CNTN5: variants seen among roughly 807,000 people sequenced by gnomAD.
CNTN5 encodes the protein contactin-5.
In CNTN5, 77 loss-of-function variants were observed where a neutral mutation model predicts 129.1. That is an observed-to-expected ratio of 0.60 (90% CI 0.50 to 0.72). CNTN5 has a LOEUF of 0.72. Among genes scored for constraint, CNTN5 ranks in the 30% least tolerant of loss-of-function variants. CNTN5 has a pLI of 0.00. For missense variants in CNTN5, 1,478 were observed against 1,328.8 expected, an observed-to-expected ratio of 1.11 and a Z score of -1.75; for synonymous variants, 509 against 465.6, an observed-to-expected ratio of 1.09 and a Z score of -1.20.
chr11:99,282,385 A>G (rs373138903), intron 1 of CNTN5, among the ~76,000 whole-genome samples: 46 of 152,158 alleles, frequency 3.0e-4, no homozygotes, highest in African/African-American at 1.1e-3. Context: ...AAAAATTCAC[A>G]AGAACAACCA....
chr11:100,158,768 A>T (rs1403410417), intron 13 of CNTN5, among the ~76,000 whole-genome samples: 1 of 151,894 alleles, frequency 6.6e-6, no homozygotes, highest in Non-Finnish European at 1.5e-5. Flanking sequence ...CACTCCAGAG[A>T]CAGTTTGGCA....
At chr11:99,258,608 TA>T (rs1368585645) in intron 1 of CNTN5, among the ~76,000 whole-genome samples, 2 of 152,066 alleles carry the variant, frequency 1.3e-5, no homozygotes, top group Admixed American at 6.6e-5. Flanking sequence ...AGATAATAAT[TA>T]AAATTCAGCT....
intron 1 of CNTN5, among the ~76,000 whole-genome samples, chr11:99,072,359 G>A (rs919386321): frequency 4.0e-5 from 6 of 151,694 alleles, no homozygotes; most frequent in African/African-American, 1.4e-4. Context: ...ATTAAGTTTG[G>A]AAAAAAAATG....
chr11:99,656,624 T>G (rs925147654), intron 3 of CNTN5, among the ~76,000 whole-genome samples: 3 of 152,120 alleles, frequency 2.0e-5, no homozygotes, highest in African/African-American at 7.2e-5. Context: ...GTGACAGTTG[T>G]GCAAGGTACC....
chr11:99,931,414 C>T (rs1365264772), intron 7 of CNTN5, among the ~76,000 whole-genome samples: 1 of 152,114 alleles, frequency 6.6e-6, no homozygotes, highest in Non-Finnish European at 1.5e-5. Context: ...AGACTTAGAA[C>T]ACTGCAATAA....
chr11:99,365,258 A>G (rs1015153333), intron 2 of CNTN5, among the ~76,000 whole-genome samples: 2 of 152,208 alleles, frequency 1.3e-5, no homozygotes, highest in Admixed American at 6.6e-5. Context: ...GAGTGGCTAT[A>G]TGGATTTGTT....
At chr11:99,741,534 G>A (rs543007218) in intron 3 of CNTN5, among the ~76,000 whole-genome samples, 1 of 152,180 alleles carries the variant, frequency 6.6e-6, no homozygotes, top group South Asian at 2.1e-4. Context: ...TGTGCAGACT[G>A]TCACCTTACT....
chr11:99,835,579 G>A (rs1222829292), intron 4 of CNTN5, among the ~76,000 whole-genome samples: 1 of 152,168 alleles, frequency 6.6e-6, no homozygotes, highest in African/African-American at 2.4e-5. Context: ...AACCACAGCA[G>A]CACCCATACA....
Position 99,737,636 on chromosome 11 carries a change from CTG to C in CNTN5, c.56-81906_56-81905del, listed in dbSNP as rs1235598219. On this transcript the variant is annotated intron_variant, in intron 3 of 24. Coordinates refer to ENST00000524871, the MANE Select transcript of CNTN5 (RefSeq NM_014361.4). ...TAATCTTTGGATTCTTTCCAAATAACTGTAATTTGAATATATATTTTCTATGA... is the reference window on the plus strand; with the variant it reads ...TAATCTTTGGATTCTTTCCAAATAACTAATTTGAATATATATTTTCTATGA... 3.9e-5 allele frequency among the ~76,000 whole-genome samples: 6 copies of C among 152,218 alleles called. 1 individual carries two copies. The East Asian group carries it at 5.8e-4, about 15-fold the overall frequency.
At chr11:99,423,117 A>G (rs912046321) in intron 2 of CNTN5, among the ~76,000 whole-genome samples, 1 of 152,208 alleles carries the variant, frequency 6.6e-6, no homozygotes, top group African/African-American at 2.4e-5. Context: ...ACATATCATT[A>G]CATATGTCTT....
chr11:100,059,825 C>G (rs960296543), intron 9 of CNTN5, among the ~76,000 whole-genome samples: 1 of 152,064 alleles, frequency 6.6e-6, no homozygotes, highest in Non-Finnish European at 1.5e-5. Flanking sequence ...ATCCATCAGT[C>G]CTGCTTTTGT....
Position 99,806,653 on chromosome 11 carries a change from G to A in CNTN5, c.56-12891G>A, listed in dbSNP as rs565615515. Among the ~76,000 whole-genome samples the A allele has an allele frequency of 2.2e-4, 33 of 151,628 alleles. 1 individual carries two copies. Among genetic ancestry groups the A allele is most frequent in the Middle Eastern group, 3.4e-3 (1 of 294 alleles). ...GAAACCCTGTCTCTGCTAAAAATAC[G>A]AAAATTAGTCAGGTGTGGTGGCGCG... On this transcript the variant is annotated intron_variant, in intron 3 of 24. Transcript: ENST00000524871.
chr11:100,279,261 T>G (rs945139018), intron 18 of CNTN5, among the ~76,000 whole-genome samples: 11 of 149,000 alleles, frequency 7.4e-5, no homozygotes, highest in Non-Finnish European at 1.5e-4. Flanking sequence ...AGTCTATAGG[T>G]TTTTTTTTTC....
chr11:99,060,652 C>T (rs139954979), intron 1 of CNTN5, among the ~76,000 whole-genome samples: 1 of 151,338 alleles, frequency 6.6e-6, no homozygotes, highest in Non-Finnish European at 1.5e-5. Context: ...GCTCATAGAC[C>T]TATAGGGCAC....
intron 1 of CNTN5, among the ~76,000 whole-genome samples, chr11:99,254,287 T>C (rs1207507222): frequency 6.6e-6 from 1 of 151,974 alleles, no homozygotes; most frequent in Non-Finnish European, 1.5e-5. Context: ...AAAAAAATTA[T>C]ACTTGCACTG....
chr11:99,722,273 C>CATATGT lies in CNTN5; in HGVS notation c.56-97267_56-97266insGTATAT, dbSNP rs1467254019. Among the ~76,000 whole-genome samples, 12 of 152,222 alleles carry CATATGT rather than the reference C, an allele frequency of 7.9e-5. 1 individual carries two copies. The highest frequency in any genetic ancestry group is 2.9e-4 in the African/African-American group (12 of 41,536). On this transcript the variant is annotated intron_variant, in intron 3 of 24. Transcript: ENST00000524871. Reference sequence around the variant, plus strand: ...CAGATTACATAAAGAAAATGTGGTACATATACACTGTGGAATGCTATGCAG... The same window carrying CATATGT: ...CAGATTACATAAAGAAAATGTGGTACATATGTATATACACTGTGGAATGCTATGCAG...
intron 2 of CNTN5, among the ~76,000 whole-genome samples, chr11:99,433,336 A>T (rs1328026407): frequency 6.0e-5 from 8 of 132,292 alleles, no homozygotes; most frequent in African/African-American, 2.0e-4. Context: ...AACTGTAATC[A>T]TAATTTTCCT....
At chr11:99,215,552 T>C (rs1486958832) in intron 1 of CNTN5, among the ~76,000 whole-genome samples, 1 of 152,132 alleles carries the variant, frequency 6.6e-6, no homozygotes, top group Non-Finnish European at 1.5e-5. Context: ...TTTATTGAGA[T>C]GAGAAAGATT....
At chr11:99,025,497 T>A (rs1298054895) in intron 1 of CNTN5, among the ~76,000 whole-genome samples, 1 of 151,806 alleles carries the variant, frequency 6.6e-6, no homozygotes, top group Non-Finnish European at 1.5e-5. Flanking sequence ...TCATCTTCCA[T>A]TACTATCCAG....
Sources: gnomAD v4.1 joint callset for allele counts (sites outside exome capture counted in the v4.1 genomes callset) on GRCh38, gnomAD v4.1.1 for gene constraint, MANE v1.5 for transcripts, NCBI Gene and HGNC (gene_info 2026-07-23, HGNC 2026-07-21) for gene names.